The following WWC2 variants were observed in gnomAD, a reference collection of about 807,000 sequenced individuals.
WWC2 encodes protein WWC2.
A neutral mutation model predicts 138.5 loss-of-function variants in WWC2; 101 were observed. The ratio of observed to expected loss-of-function variants is 0.73; its 90% CI spans 0.62 to 0.86. WWC2 has a LOEUF of 0.86. Among genes scored for constraint, WWC2 ranks in the 40% least tolerant of loss-of-function variants. The probability of loss-of-function intolerance (pLI) is 0.00; values close to 1 mark genes in which losing one functional copy is unlikely to be tolerated. For synonymous variants in WWC2, 558 were observed against 538.4 expected, an observed-to-expected ratio of 1.04 and a Z score of -0.50; for missense variants, 1,420 against 1,419.4, an observed-to-expected ratio of 1.00 and a Z score of -0.01.
In WWC2 at chr4:183,248,696, T is replaced by G. The variant is rs1402242185; in HGVS notation, c.733-18T>G. On this transcript the variant is annotated intron_variant, in intron 6 of 22. Coordinates refer to ENST00000403733, the MANE Select transcript of WWC2 (RefSeq NM_024949.6). ...TTACTTGTTAAGCTTTATGAAACAC[T>G]TTGTGTTTTCTGAACAGAGTCTTGC... The G allele has an allele frequency of 6.4e-7, 1 of 1,568,216 alleles. No homozygotes were observed. The highest frequency in any genetic ancestry group is 1.3e-5 in the African/African-American group (1 of 74,566).
chr4:183,150,559 T>G (rs1218554574), intron 1 of WWC2, among the ~76,000 whole-genome samples: 1 of 152,206 alleles, frequency 6.6e-6, no homozygotes, highest in Non-Finnish European at 1.5e-5. Flanking sequence ...TTTAAAATTA[T>G]TATACTTTAA....
intron 11 of WWC2, among the ~76,000 whole-genome samples, 179 bp from the exon 12 acceptor site, chr4:183,264,799 G>C (rs1401042202): frequency 1.3e-5 from 2 of 152,166 alleles, no homozygotes; most frequent in African/African-American, 4.8e-5. Flanking sequence ...GGCGTCCCAG[G>C]AATCTTATAA....
rs780293402 is a variant in WWC2 at position 183,271,105 on chromosome 4, A to G, written c.2426A>G (p.Asp809Gly). The change falls in exon 16 of 23, where the codon GAT becomes GGT. Residue 809 changes from aspartate to glycine, a missense_variant. Physicochemically the swap from Asp to Gly is moderately conservative, Grantham distance 94. Coordinates refer to ENST00000403733, the MANE Select transcript of WWC2 (RefSeq NM_024949.6). ...CLAGTQISLA[D>G]LPFSSEVFTL... The stretch of plus-strand genomic sequence containing the variant: ...GCTGGAACTCAGATCAGCCTGGCAG[A>G]TTTACCATTTTCCAGTGAGGTTTTC... 3.7e-6 allele frequency: 6 copies of G among 1,606,748 alleles called. No homozygotes were observed. The South Asian group carries it at 4.5e-5, about 12-fold the overall frequency.
intron 15 of WWC2, chr4:183,269,473 G>A (rs1315424666): frequency 5.6e-6 from 3 of 533,864 alleles, no homozygotes; most frequent in South Asian, 1.5e-5. Flanking sequence ...ACCACTCCCA[G>A]TACCAATGCC....
intron 9 of WWC2, among the ~76,000 whole-genome samples, chr4:183,255,307 T>C (rs1737102407): frequency 6.6e-6 from 1 of 152,274 alleles, no homozygotes; most frequent in African/African-American, 2.4e-5. Context: ...CAAGGCCCCA[T>C]CTGACAAAGA....
chr4:183,234,309 C>G (rs956277086), intron 4 of WWC2, among the ~76,000 whole-genome samples: 1 of 152,086 alleles, frequency 6.6e-6, no homozygotes, highest in Non-Finnish European at 1.5e-5. Context: ...CTCTTGCTTC[C>G]AATTTAGCAC....
rs1314657515 is a variant in WWC2, at chr4:183,316,386, A to G, written c.*657A>G. ...TAAGAATAAAAATAAGAATAAGAATACAAAGGAGCACTACTCTTGGCTACA... is the reference window on the plus strand; with the variant it reads ...TAAGAATAAAAATAAGAATAAGAATGCAAAGGAGCACTACTCTTGGCTACA... On this transcript the variant is annotated 3_prime_UTR_variant, in exon 23 of 23. Transcript: ENST00000403733. 1 of 152,296 alleles carries G rather than the reference A, an allele frequency of 6.6e-6. No homozygotes were observed. The highest frequency in any genetic ancestry group is 1.5e-5 in the Non-Finnish European group (1 of 68,074). 9.4% of individuals were successfully genotyped at this position (152,296 alleles called of 1,614,324 possible).
At chr4:183,191,072 G>A (rs1201384387) in intron 1 of WWC2, among the ~76,000 whole-genome samples, 2 of 151,858 alleles carry the variant, frequency 1.3e-5, no homozygotes, top group East Asian at 3.9e-4. Context: ...ATCAAACAGT[G>A]ATACAGAGGG....
intron 1 of WWC2, among the ~76,000 whole-genome samples, chr4:183,100,851 A>AC (rs1450694049): frequency 6.6e-6 from 1 of 152,230 alleles, no homozygotes; most frequent in Non-Finnish European, 1.5e-5. Context: ...GAGAAAAGGC[A>AC]CCTGTGCTGA....
At chr4:183,164,329 A>ATATATACACATATATATAT (rs1734059072) in intron 1 of WWC2, among the ~76,000 whole-genome samples, 1 of 836 alleles carries the variant, frequency 1.2e-3, no homozygotes, top group African/African-American at 2.1e-3. Context: ...ACATATATAT[A>ATATATACACATATATATAT]TATATATACA....
rs1402351638 is a variant in WWC2 at position 183,318,676 on chromosome 4, G to A, written c.*2947G>A. The A allele has an allele frequency of 6.6e-6, 1 of 152,164 alleles. No individual in the cohort carries two copies. Among genetic ancestry groups the A allele is most frequent in the Non-Finnish European group, 1.5e-5 (1 of 68,022 alleles). 9.4% of individuals were successfully genotyped at this position (152,164 alleles called of 1,614,324 possible). ...TGGCAGTTTGTGATGAATAGTTCTT[G>A]TTGGAACTATATGTATTGCTGATAA... On this transcript the variant is annotated 3_prime_UTR_variant, in exon 23 of 23. Transcript: ENST00000403733.
intron 1 of WWC2, among the ~76,000 whole-genome samples, chr4:183,159,729 TAA>T (rs1162694124): frequency 1.2e-3 from 90 of 74,430 alleles, no homozygotes; most frequent in African/African-American, 2.2e-3. Flanking sequence ...TTTTTTTTTT[TAA>T]AAAAAAAAAA....
intron 1 of WWC2, among the ~76,000 whole-genome samples, chr4:183,102,955 C>A (rs1743226375): frequency 6.6e-6 from 1 of 150,388 alleles, no homozygotes; most frequent in Non-Finnish European, 1.5e-5. Flanking sequence ...GAGTAGGGAG[C>A]TTAAGTGGGC....
At chr4:183,289,993 A>G (rs1024987065) in intron 21 of WWC2, among the ~76,000 whole-genome samples, 1 of 152,116 alleles carries the variant, frequency 6.6e-6, no homozygotes, top group Non-Finnish European at 1.5e-5. Context: ...AAATAAATGC[A>G]GTATAAATTT....
chr4:183,118,672 T>G (rs1470692342), intron 1 of WWC2, among the ~76,000 whole-genome samples: 1 of 152,232 alleles, frequency 6.6e-6, no homozygotes, highest in Non-Finnish European at 1.5e-5. Context: ...AAATAAATTG[T>G]TACTGTGACC....
rs182413641 is a variant in WWC2, at chr4:183,254,747, A to C, written c.1196+748A>C. Among the ~76,000 whole-genome samples, 20 of 152,312 alleles carry C rather than the reference A, an allele frequency of 1.3e-4. 1 individual carries two copies. In the East Asian group the frequency reaches 2.5e-3, roughly 19 times the overall value. Reference sequence around the variant, plus strand: ...AGCCGTTGAGAACGACCGCATGTACATCCTTTAGGCCAGCCAGTAAACAGC... The same window carrying C: ...AGCCGTTGAGAACGACCGCATGTACCTCCTTTAGGCCAGCCAGTAAACAGC... On this transcript the variant is annotated intron_variant, in intron 9 of 22. Transcript: ENST00000403733.
At chr4:183,179,495 G>C (rs1734561481) in intron 1 of WWC2, among the ~76,000 whole-genome samples, 1 of 152,138 alleles carries the variant, frequency 6.6e-6, no homozygotes, top group African/African-American at 2.4e-5. Flanking sequence ...GGTTGGATTA[G>C]AGAGGTGGTG....
At chr4:183,229,052 GA>G (rs2111282985) in intron 4 of WWC2, among the ~76,000 whole-genome samples, 1 of 152,176 alleles carries the variant, frequency 6.6e-6, no homozygotes, top group East Asian at 1.9e-4. Context: ...TACTTTTAGG[GA>G]AAAGGGAAGG....
At chr4:183,137,200 T>A (rs989943377) in intron 1 of WWC2, among the ~76,000 whole-genome samples, 8 of 152,088 alleles carry the variant, frequency 5.3e-5, no homozygotes, top group Admixed American at 3.3e-4. Flanking sequence ...TATTAAAAAA[T>A]TTTTCTTCAG....
Sources: gnomAD v4.1 joint callset for allele counts (sites outside exome capture counted in the v4.1 genomes callset) on GRCh38, gnomAD v4.1.1 for gene constraint, MANE v1.5 for transcripts, NCBI Gene and HGNC (gene_info 2026-07-23, HGNC 2026-07-21) for gene names.